Variants in CNTLN observed in about 807,000 individuals in gnomAD.
CNTLN encodes the protein centlein.
A neutral mutation model predicts 180.0 loss-of-function variants in CNTLN; 212 were observed. The observed-to-expected ratio is 1.18, with a 90% CI of 1.05 to 1.32. The LOEUF (loss-of-function observed/expected upper bound fraction) is 1.32, where lower values mean the gene tolerates loss of function less well. CNTLN is among the 40% of genes most tolerant of loss of function. The pLI is 0.00. For synonymous variants in CNTLN, 722 were observed against 563.1 expected (o/e 1.28, Z -3.99); for missense variants, 2,095 against 1,610.9 (o/e 1.30, Z -5.14).
chr9:17,142,831 G>T (rs774182244), intron 1 of CNTLN, among the ~76,000 whole-genome samples: 2 of 152,160 alleles, frequency 1.3e-5, no homozygotes, highest in Non-Finnish European at 2.9e-5. Flanking sequence ...ACTACCCATT[G>T]TCCTTTGGAT....
chr9:17,397,357 A>T (rs544769814), intron 15 of CNTLN, among the ~76,000 whole-genome samples: 1 of 152,294 alleles, frequency 6.6e-6, no homozygotes, highest in East Asian at 1.9e-4. Flanking sequence ...GCGGTTGCCC[A>T]TTTTTATGGT....
At chr9:17,486,275 T>C (rs1832883624) in intron 24 of CNTLN, among the ~76,000 whole-genome samples, 2 of 119,432 alleles carry the variant, frequency 1.7e-5, no homozygotes, top group African/African-American at 5.0e-5. Context: ...GTGCCTAGCA[T>C]GATGCCTGCC....
At chr9:17,387,947 GAAAA>G (rs34567309) in intron 13 of CNTLN, among the ~76,000 whole-genome samples, 2 of 141,856 alleles carry the variant, frequency 1.4e-5, no homozygotes, top group Non-Finnish European at 1.5e-5. Context: ...ATCTTATACT[GAAAA>G]AAAAAAAAAA....
chr9:17,449,234 C>G (rs2441991), intron 18 of CNTLN, among the ~76,000 whole-genome samples: 132,305 of 151,650 alleles, frequency 0.87, 57,976 homozygotes, highest in Non-Finnish European at 0.92. Context: ...TTTTCTTCTA[C>G]CATTAGGTAT....
rs137872773 is a variant in CNTLN, at chr9:17,383,042, A to G, written c.1988-5120A>G. Among the ~76,000 whole-genome samples, 661 of 152,162 alleles carry G rather than the reference A, an allele frequency of 4.3e-3. 3 individuals are homozygous for G. The highest frequency in any genetic ancestry group is 0.014 in the African/African-American group (595 of 41,534). Reference sequence around the variant, plus strand: ...AGACCTCCTCATCTTTAACAATAGAACTGAGGTGTGACCTCCTATCTAAAG... The same window carrying G: ...AGACCTCCTCATCTTTAACAATAGAGCTGAGGTGTGACCTCCTATCTAAAG... On this transcript the variant is annotated intron_variant, in intron 13 of 25. Coordinates refer to ENST00000380647, the MANE Select transcript of CNTLN (RefSeq NM_017738.4).
At chr9:17,264,488 G>C in intron 5 of CNTLN, among the ~76,000 whole-genome samples, 1 of 149,658 alleles carries the variant, frequency 6.7e-6, no homozygotes, top group Non-Finnish European at 1.5e-5. Flanking sequence ...GATGCCTTCA[G>C]CTTTGTTCTT....
At chr9:17,344,532 C>G (rs1406861619) in intron 12 of CNTLN, among the ~76,000 whole-genome samples, 2 of 152,012 alleles carry the variant, frequency 1.3e-5, no homozygotes, top group African/African-American at 4.8e-5. Flanking sequence ...AGTCAGTCTG[C>G]TAGGTCAATG....
At chr9:17,201,621 G>A (rs200169877) in intron 2 of CNTLN, among the ~76,000 whole-genome samples, 12 of 152,044 alleles carry the variant, frequency 7.9e-5, no homozygotes, top group South Asian at 2.1e-4. Context: ...GTTTTTTTGC[G>A]TAGAGGTGTT....
At chr9:17,195,749 T>C (rs1306159549) in intron 2 of CNTLN, among the ~76,000 whole-genome samples, 1 of 152,132 alleles carries the variant, frequency 6.6e-6, no homozygotes, top group East Asian at 1.9e-4. Context: ...AAGAGTGGTC[T>C]TCCCTGACAT....
intron 2 of CNTLN, among the ~76,000 whole-genome samples, chr9:17,204,482 G>T (rs1312694585): frequency 2.0e-5 from 3 of 152,068 alleles, no homozygotes; most frequent in African/African-American, 4.8e-5. Flanking sequence ...ACCCTGCTTG[G>T]CTGGGTATCA....
intron 2 of CNTLN, among the ~76,000 whole-genome samples, chr9:17,199,449 G>T (rs1822371995): frequency 6.6e-6 from 1 of 152,028 alleles, no homozygotes; most frequent in African/African-American, 2.4e-5. Flanking sequence ...CTGACCTCGT[G>T]ATCCACCCTC....
In CNTLN at chr9:17,162,437, A is replaced by T. The variant is rs116690928; in HGVS notation, c.449+19061A>T. Among the ~76,000 whole-genome samples, 517 of 152,252 alleles carry T rather than the reference A, an allele frequency of 3.4e-3. 1 individual carries two copies. Among genetic ancestry groups the T allele is most frequent in the African/African-American group, 0.012 (483 of 41,568 alleles). Reference sequence around the variant, plus strand: ...CCTCGTCTTGCTTTCTTTTATGGCCAACTAGTAACAACCAATTCACAGTCC... The same window carrying T: ...CCTCGTCTTGCTTTCTTTTATGGCCTACTAGTAACAACCAATTCACAGTCC... On this transcript the variant is annotated intron_variant, in intron 2 of 25. Transcript: ENST00000380647.
intron 6 of CNTLN, among the ~76,000 whole-genome samples, chr9:17,289,974 G>A (rs1185864733): frequency 1.3e-5 from 2 of 151,690 alleles, no homozygotes; most frequent in Non-Finnish European, 2.9e-5. Flanking sequence ...GTAGCTCAGA[G>A]TAATTTGATC....
intron 2 of CNTLN, among the ~76,000 whole-genome samples, chr9:17,166,569 T>C (rs1034442932): frequency 6.6e-6 from 1 of 152,122 alleles, no homozygotes; most frequent in Non-Finnish European, 1.5e-5. Flanking sequence ...ATGTTGGAGA[T>C]AGTGAGATCA....
At chr9:17,189,372 G>C (rs1156966734) in intron 2 of CNTLN, among the ~76,000 whole-genome samples, 2 of 151,526 alleles carry the variant, frequency 1.3e-5, no homozygotes, top group Non-Finnish European at 2.9e-5. Context: ...CTGAACCACC[G>C]TGCCCGGCCA....
chr9:17,152,469 G>A lies in CNTLN; in HGVS notation c.449+9093G>A, dbSNP rs568064867. Among the ~76,000 whole-genome samples the A allele has an allele frequency of 1.2e-4, 19 of 152,164 alleles. No homozygotes were observed. In the Middle Eastern group the frequency reaches 0.01, roughly 82 times the overall value. On this transcript the variant is annotated intron_variant, in intron 2 of 25. Transcript: ENST00000380647. ...TTCGGTTTCCATGTATTTGTGCAGT[G>A]TTGAGTGAGTTTCTTAATCCTGAGT...
intron 21 of CNTLN, among the ~76,000 whole-genome samples, chr9:17,465,564 T>G (rs913957185): frequency 6.7e-6 from 1 of 149,702 alleles, no homozygotes; most frequent in Non-Finnish European, 1.5e-5. Context: ...ATATAAAATA[T>G]CCTATTGTTT....
intron 18 of CNTLN, among the ~76,000 whole-genome samples, chr9:17,456,503 A>G (rs1030757995): frequency 6.6e-6 from 1 of 152,276 alleles, no homozygotes; most frequent in East Asian, 1.9e-4. Flanking sequence ...ACAAATACAT[A>G]TATAATTATG....
At chr9:17,154,850 A>G (rs766719174) in intron 2 of CNTLN, among the ~76,000 whole-genome samples, 3 of 152,212 alleles carry the variant, frequency 2.0e-5, no homozygotes, top group African/African-American at 4.8e-5. Context: ...CTGAGCCAGC[A>G]GGGGCAACCT....
Sources: allele counts gnomAD v4.1 joint callset (sites outside exome capture counted in the v4.1 genomes callset), GRCh38; gene constraint gnomAD v4.1.1; transcripts MANE v1.5; gene names NCBI Gene and HGNC (gene_info 2026-07-23, HGNC 2026-07-21).